Variants in ROR1 observed in about 807,000 individuals in gnomAD.
ROR1 encodes the protein inactive tyrosine-protein kinase transmembrane receptor ROR1.
Under a neutral mutation model 78.8 loss-of-function variants are expected in ROR1, and 19 were observed. The observed-to-expected ratio is 0.24, with a 90% CI of 0.17 to 0.35. The LOEUF is 0.35. Ranked by LOEUF, ROR1 falls within the 10% of genes least tolerant of loss-of-function variation. The probability of loss-of-function intolerance (pLI) is 1.00; values close to 1 mark genes in which losing one functional copy is unlikely to be tolerated. For missense variants in ROR1, 917 were observed against 1,177.8 expected (o/e 0.78, Z 3.24); for synonymous variants, 386 against 433.6 (o/e 0.89, Z 1.36).
At chr1:64,108,161 C>T (rs1412005787) in intron 4 of ROR1, among the ~76,000 whole-genome samples, 2 of 150,176 alleles carry the variant, frequency 1.3e-5, no homozygotes, top group Admixed American at 6.7e-5. Context: ...CTTTGGGAGA[C>T]CAAGGTGGGT....
chr1:64,074,920 A>G (rs1647036824), intron 4 of ROR1, among the ~76,000 whole-genome samples: 1 of 152,210 alleles, frequency 6.6e-6, no homozygotes, highest in African/African-American at 2.4e-5. Context: ...GAGATAACCT[A>G]CGTGGGAGCC....
intron 1 of ROR1, among the ~76,000 whole-genome samples, chr1:63,793,640 G>A (rs779703980): frequency 6.9e-4 from 105 of 152,222 alleles, no homozygotes; most frequent in Non-Finnish European, 1.0e-3. Context: ...ATGCCCTTAG[G>A]AGAAGCTCAG....
At position 64,177,507 on chromosome 1, in the gene ROR1, A is replaced by T; in HGVS notation, c.1466A>T (p.Lys489Ile). The change falls in exon 9 of 9, where the codon AAA becomes ATA. Residue 489 changes from lysine (K) to isoleucine (I), a missense_variant. By Grantham distance (102) the Lys-to-Ile change is moderately radical (BLOSUM62 -3). Transcript: ENST00000371079. Reference protein sequence around the residue: ...LGECAFGKIYKGHLYLPGMDH... With the variant: ...LGECAFGKIYIGHLYLPGMDH... The stretch of plus-strand genomic sequence containing the variant: ...GAGTGTGCCTTTGGAAAAATCTATA[A>T]AGGCCATCTCTATCTCCCAGGCATG... 6.2e-7 allele frequency: 1 copy of T among 1,614,112 alleles called. No individual in the cohort carries two copies. The highest frequency in any genetic ancestry group is 8.5e-7 in the Non-Finnish European group (1 of 1,180,020).
At chr1:63,856,986 G>A (rs187964060) in intron 1 of ROR1, among the ~76,000 whole-genome samples, 20 of 151,840 alleles carry the variant, frequency 1.3e-4, no homozygotes, top group African/African-American at 4.3e-4. Context: ...CTCTTTTCTC[G>A]TTAGATTTTG....
In ROR1 at chr1:64,178,280, C is replaced by G. The variant is rs779969182; in HGVS notation, c.2239C>G (p.Arg747Gly). ...ATTTAAAGATATTCACGTCCGGCTT[C>G]GGTCCTGGGAGGGACTCTCAAGTCA... ...PRFKDIHVRLRSWEGLSSHTS... is the reference protein window; with the variant it reads ...PRFKDIHVRLGSWEGLSSHTS... Residue 747 changes from arginine (R) to glycine (G), a missense_variant, in exon 9 of 9, where the codon CGG becomes GGG. Around this residue, in one of 3 missense-constraint regions of ROR1, gnomAD observed 835 missense variants for 1,069.8 expected, o/e 0.78. Coordinates refer to ENST00000371079, the MANE Select transcript of ROR1 (RefSeq NM_005012.4). This position sits in a 1 kb window ranked among gnomAD's most constrained non-coding sequence, Gnocchi z 4.3. 1 of 1,614,138 alleles carries G rather than the reference C, an allele frequency of 6.2e-7. No individual in the cohort carries two copies. Among genetic ancestry groups the G allele is most frequent in the Admixed American group, 1.7e-5 (1 of 60,022 alleles).
intron 1 of ROR1, among the ~76,000 whole-genome samples, chr1:63,855,248 A>G (rs1457762379): frequency 1.3e-5 from 2 of 152,158 alleles, no homozygotes; most frequent in Non-Finnish European, 2.9e-5. Context: ...GTAATTAATT[A>G]TGTACTGACT....
intron 4 of ROR1, among the ~76,000 whole-genome samples, chr1:64,134,864 T>G (rs1649047657): frequency 6.6e-6 from 1 of 151,030 alleles, no homozygotes; most frequent in Non-Finnish European, 1.5e-5. Flanking sequence ...TTCTCCTACC[T>G]CAGCCCCCTG....
chr1:63,917,159 C>T (rs1645615476), intron 1 of ROR1, among the ~76,000 whole-genome samples: 1 of 152,180 alleles, frequency 6.6e-6, no homozygotes, highest in Non-Finnish European at 1.5e-5. Flanking sequence ...CCTGTGGCTC[C>T]TGTCCCAGTT....
rs927095989 is a variant in ROR1 at position 64,008,469 on chromosome 1, G to A, written c.92-836G>A. Among the ~76,000 whole-genome samples, 18 of 152,084 alleles carry A rather than the reference G, an allele frequency of 1.2e-4. 1 individual carries two copies. The highest frequency in any genetic ancestry group is 9.8e-4 in the Admixed American group (15 of 15,254). On this transcript the variant is annotated intron_variant, in intron 1 of 8. Coordinates refer to ENST00000371079, the MANE Select transcript of ROR1 (RefSeq NM_005012.4). ...GGTAGAATAATTTATTTTCTTTGGG[G>A]TATATACCTTGTAATGTGATTGCTG...
chr1:63,994,678 C>T (rs1179039195), intron 1 of ROR1, among the ~76,000 whole-genome samples: 2 of 152,184 alleles, frequency 1.3e-5, no homozygotes, highest in Non-Finnish European at 2.9e-5. Context: ...CATTGCATTG[C>T]TTCTCTCTCC....
At chr1:64,008,290 T>C (rs1646445958) in intron 1 of ROR1, among the ~76,000 whole-genome samples, 2 of 152,192 alleles carry the variant, frequency 1.3e-5, no homozygotes, top group Non-Finnish European at 2.9e-5. Context: ...ACAAAGGACA[T>C]GATTTCATTA....
chr1:64,131,803 A>G (rs1648921484), intron 4 of ROR1, among the ~76,000 whole-genome samples: 1 of 152,006 alleles, frequency 6.6e-6, no homozygotes, highest in South Asian at 2.1e-4. Flanking sequence ...TTAATTTTGT[A>G]GACACAGAGT....
chr1:63,999,019 A>G (rs910427194), intron 1 of ROR1, among the ~76,000 whole-genome samples: 3 of 152,228 alleles, frequency 2.0e-5, no homozygotes, highest in Non-Finnish European at 2.9e-5. Flanking sequence ...TTCCTCCATG[A>G]TTGCGAGGCC....
rs532871610 is a variant in ROR1, at chr1:64,178,989, A to T, written c.*134A>T. ...CAACAAGTACCTTCTGTGAAGTTTC[A>T]CTGTGTCTTACCAAGCAGGACAGAC... is the stretch of plus-strand genomic sequence containing the variant. On this transcript the variant is annotated 3_prime_UTR_variant, in exon 9 of 9. Transcript: ENST00000371079. The surrounding 1 kb of genome is among the most constrained non-coding windows in gnomAD (Gnocchi z 4.3). 2.2e-5 allele frequency: 12 copies of T among 546,244 alleles called. No homozygotes were observed. Among genetic ancestry groups the T allele is most frequent in the Non-Finnish European group, 3.5e-5 (11 of 318,022 alleles). The allele number at this position is 546,244 out of a possible 1,614,324, so 33.8% of individuals were successfully genotyped here.
At chr1:63,963,287 G>T (rs527949495) in intron 1 of ROR1, among the ~76,000 whole-genome samples, 72 of 152,062 alleles carry the variant, frequency 4.7e-4, no homozygotes, top group African/African-American at 1.7e-3. Context: ...ATAATTCTGG[G>T]CTGGGCGCAG....
At chr1:63,965,215 C>G (rs1028058706) in intron 1 of ROR1, among the ~76,000 whole-genome samples, 4 of 152,122 alleles carry the variant, frequency 2.6e-5, no homozygotes, top group African/African-American at 9.7e-5. Context: ...TGGCAGAGCT[C>G]AAATCCAGCT....
At chr1:63,951,076 T>G (rs1225209568) in intron 1 of ROR1, among the ~76,000 whole-genome samples, 1 of 152,188 alleles carries the variant, frequency 6.6e-6, no homozygotes, top group Non-Finnish European at 1.5e-5. Flanking sequence ...TCTTTGGGGA[T>G]TGGCTGAAGT....
At chr1:63,824,616 G>C (rs760207301) in intron 1 of ROR1, among the ~76,000 whole-genome samples, 14 of 152,090 alleles carry the variant, frequency 9.2e-5, no homozygotes, top group Non-Finnish European at 1.9e-4. Context: ...CCCCACAATG[G>C]ATGATTCATA....
At chr1:64,122,950 C>T (rs913006041) in intron 4 of ROR1, among the ~76,000 whole-genome samples, 1 of 152,164 alleles carries the variant, frequency 6.6e-6, no homozygotes, top group Non-Finnish European at 1.5e-5. Context: ...AATGGCTCCT[C>T]CCTCATTTCA....
Sources: gnomAD v4.1 joint callset for allele counts (sites outside exome capture counted in the v4.1 genomes callset) on GRCh38, gnomAD v4.1.1 for gene constraint, gnomAD v4.1.1 regional missense constraint, Gnocchi (gnomAD v3.1) non-coding constraint, MANE v1.5 for transcripts, NCBI Gene and HGNC (gene_info 2026-07-23, HGNC 2026-07-21) for gene names.